LRRC4C: variants seen among roughly 807,000 people sequenced by gnomAD.
The protein encoded by LRRC4C is leucine rich repeat containing 4C.
LRRC4C carries 5 observed loss-of-function variants against 33.6 expected under a neutral mutation model. The observed-to-expected ratio is 0.15, with a 90% CI of 0.08 to 0.31. LRRC4C has a LOEUF of 0.31. Ranked by LOEUF, LRRC4C falls within the 10% of genes least tolerant of loss-of-function variation. LRRC4C has a pLI of 1.00. For missense variants in LRRC4C, 560 were observed against 796.7 expected, an observed-to-expected ratio of 0.70 and a Z score of 3.58; for synonymous variants, 329 against 302.0, an observed-to-expected ratio of 1.09 and a Z score of -0.93.
intron 1 of LRRC4C, among the ~76,000 whole-genome samples, chr11:40,964,663 T>C (rs1851214351): frequency 1.3e-5 from 2 of 152,002 alleles, no homozygotes; most frequent in South Asian, 4.2e-4. Context: ...GAATGATGGT[T>C]TCCAGTTTCA....
intron 3 of LRRC4C, among the ~76,000 whole-genome samples, chr11:40,475,635 A>G (rs1425829782): frequency 6.6e-6 from 1 of 152,144 alleles, no homozygotes; most frequent in African/African-American, 2.4e-5. Context: ...GACTAGTTTA[A>G]CATCCTGGTT....
chr11:40,773,108 C>A (rs974149255), intron 2 of LRRC4C, among the ~76,000 whole-genome samples: 3 of 152,044 alleles, frequency 2.0e-5, no homozygotes, highest in Non-Finnish European at 2.9e-5. Flanking sequence ...CACAGAAAGA[C>A]AAAATTTGCA....
intron 2 of LRRC4C, among the ~76,000 whole-genome samples, chr11:40,739,513 A>G (rs1397221427): frequency 2.0e-5 from 3 of 152,042 alleles, no homozygotes; most frequent in Admixed American, 6.6e-5. Flanking sequence ...CAATATATAC[A>G]ATTATATATT....
At chr11:41,157,098 A>G (rs554519487) in intron 1 of LRRC4C, among the ~76,000 whole-genome samples, 18 of 152,254 alleles carry the variant, frequency 1.2e-4, no homozygotes, top group African/African-American at 3.6e-4. Flanking sequence ...CAAACCTGCC[A>G]GCGCCTTGAT....
chr11:40,790,294 C>T (rs184313930), intron 2 of LRRC4C, among the ~76,000 whole-genome samples: 1 of 152,204 alleles, frequency 6.6e-6, no homozygotes, highest in Non-Finnish European at 1.5e-5. Flanking sequence ...TTTTCTAGTT[C>T]TACACAGACA....
chr11:40,415,348 G>T (rs1446291320), intron 3 of LRRC4C, among the ~76,000 whole-genome samples: 2 of 152,082 alleles, frequency 1.3e-5, no homozygotes, highest in East Asian at 3.9e-4. Context: ...TTTTATCTTT[G>T]AAATTGTGTT....
At chr11:41,160,537 T>C (rs546043716) in intron 1 of LRRC4C, among the ~76,000 whole-genome samples, 9 of 152,286 alleles carry the variant, frequency 5.9e-5, no homozygotes, top group East Asian at 3.9e-4. Context: ...TTAAGGACAA[T>C]GGCCATGCAT....
chr11:40,817,067 G>A (rs750414771), intron 2 of LRRC4C, among the ~76,000 whole-genome samples: 2 of 152,100 alleles, frequency 1.3e-5, no homozygotes, highest in Admixed American at 6.6e-5. Context: ...AGCTGTCTCT[G>A]TTCTAAGACA....
intron 1 of LRRC4C, among the ~76,000 whole-genome samples, chr11:41,188,764 CTAAAATGTA>C (rs1945810983): frequency 6.7e-6 from 1 of 148,756 alleles, no homozygotes; most frequent in Non-Finnish European, 1.5e-5. Flanking sequence ...TAAATGGTTT[CTAAAATGTA>C]TTAGCTGTTT....
intron 4 of LRRC4C, among the ~76,000 whole-genome samples, chr11:40,275,363 A>G (rs923096968): frequency 1.2e-4 from 19 of 152,124 alleles, no homozygotes; most frequent in Middle Eastern, 3.2e-3. Flanking sequence ...ACTTTAATCC[A>G]ATGGGAGGCT....
rs551663178 is a variant in LRRC4C at position 41,086,407 on chromosome 11, C to G, written c.-495-152684G>C. On this transcript the variant is annotated intron_variant, in intron 1 of 6. Transcript: ENST00000528697. ...AAAGCACTTGTGCAATAAACAAACA[C>G]TTTTAAATCATGGGATTTATTGGTG... 3.6e-3 allele frequency among the ~76,000 whole-genome samples: 542 copies of G among 152,142 alleles called. 5 individuals are homozygous for G. Among genetic ancestry groups the G allele is most frequent in the African/African-American group, 0.012 (512 of 41,534 alleles).
intron 3 of LRRC4C, among the ~76,000 whole-genome samples, chr11:40,585,323 C>A (rs983074977): frequency 2.0e-5 from 3 of 152,042 alleles, no homozygotes; most frequent in African/African-American, 7.2e-5. Flanking sequence ...GTGTAGCTAA[C>A]ACCATTGCTT....
intron 4 of LRRC4C, among the ~76,000 whole-genome samples, chr11:40,249,709 T>C (rs758810380): frequency 1.1e-4 from 17 of 152,042 alleles, no homozygotes; most frequent in Non-Finnish European, 2.5e-4. Flanking sequence ...GAATACATCA[T>C]ACTTAATACT....
chr11:40,427,713 C>A (rs1950768696), intron 3 of LRRC4C, among the ~76,000 whole-genome samples: 1 of 151,852 alleles, frequency 6.6e-6, no homozygotes, highest in Non-Finnish European at 1.5e-5. Context: ...GCCTGTAGTC[C>A]CAGCTATTTG....
intron 2 of LRRC4C, among the ~76,000 whole-genome samples, chr11:40,765,796 AT>A (rs1276826046): frequency 1.3e-5 from 2 of 151,300 alleles, no homozygotes; most frequent in Admixed American, 6.6e-5. Flanking sequence ...GAAAAAAAAA[AT>A]TAAATAAAAA....
chr11:40,281,919 A>C (rs1390277430), intron 4 of LRRC4C, among the ~76,000 whole-genome samples: 2 of 152,270 alleles, frequency 1.3e-5, no homozygotes, highest in Admixed American at 1.3e-4. Context: ...AACACATATA[A>C]TTGGATAGCT....
chr11:41,452,589 G>A (rs1440637800), intron 1 of LRRC4C, among the ~76,000 whole-genome samples: 1 of 151,908 alleles, frequency 6.6e-6, no homozygotes, highest in Non-Finnish European at 1.5e-5. Flanking sequence ...TGAGTTTAAT[G>A]GCTCACATTT....
chr11:41,371,631 G>A (rs1952750938), intron 1 of LRRC4C, among the ~76,000 whole-genome samples: 1 of 152,202 alleles, frequency 6.6e-6, no homozygotes, highest in Admixed American at 6.5e-5. Flanking sequence ...TGGCATTGTG[G>A]ATTGCTAAAC....
intron 1 of LRRC4C, among the ~76,000 whole-genome samples, chr11:41,023,148 C>G (rs958290854): frequency 1.4e-4 from 22 of 151,862 alleles, no homozygotes; most frequent in African/African-American, 5.1e-4. Context: ...ATGTCAAGCC[C>G]TGGCCCTGTC....
Sources: gnomAD v4.1 joint callset for allele counts (sites outside exome capture counted in the v4.1 genomes callset) on GRCh38, gnomAD v4.1.1 for gene constraint, MANE v1.5 for transcripts, NCBI Gene and HGNC (gene_info 2026-07-23, HGNC 2026-07-21) for gene names.